FOXN3: variants seen among roughly 807,000 people sequenced by gnomAD.
FOXN3 encodes forkhead box protein N3.
FOXN3 carries 7 observed loss-of-function variants against 38.4 expected under a neutral mutation model. That is an observed-to-expected ratio of 0.18 (90% CI 0.10 to 0.34). FOXN3 has a LOEUF of 0.34. FOXN3 is among the 10% of genes least tolerant of loss of function. The probability of loss-of-function intolerance (pLI) is 1.00; values close to 1 mark genes in which losing one functional copy is unlikely to be tolerated. For synonymous variants in FOXN3, 230 were observed against 242.2 expected, an observed-to-expected ratio of 0.95 and a Z score of 0.47; for missense variants, 456 against 613.4, an observed-to-expected ratio of 0.74 and a Z score of 2.71.
At chr14:89,611,291 CA>C (rs1896381899) in intron 1 of FOXN3, among the ~76,000 whole-genome samples, 1 of 152,172 alleles carries the variant, frequency 6.6e-6, no homozygotes, top group East Asian at 1.9e-4. Context: ...AAGGAGATGT[CA>C]GTGTATCTTA....
chr14:89,344,161 T>C (rs1392486930), intron 3 of FOXN3, among the ~76,000 whole-genome samples: 2 of 152,250 alleles, frequency 1.3e-5, no homozygotes, highest in East Asian at 3.9e-4. Context: ...TGGATTTTTC[T>C]AACTTTGTAC....
chr14:89,396,548 C>T (rs1369595834), intron 2 of FOXN3, among the ~76,000 whole-genome samples: 1 of 150,552 alleles, frequency 6.6e-6, no homozygotes, highest in Non-Finnish European at 1.5e-5. Context: ...CAAGAAGCCA[C>T]TGCTGGCTGG....
At chr14:89,566,649 T>G (rs1035297104) in intron 1 of FOXN3, among the ~76,000 whole-genome samples, 4 of 152,206 alleles carry the variant, frequency 2.6e-5, no homozygotes, top group East Asian at 3.8e-4. Flanking sequence ...TTGTGTTGGT[T>G]TTCGGGAAAT....
intron 2 of FOXN3, among the ~76,000 whole-genome samples, chr14:89,375,993 G>A (rs1199533413): frequency 2.0e-5 from 3 of 152,080 alleles, no homozygotes; most frequent in Admixed American, 6.5e-5. Flanking sequence ...ATGTTGGCCA[G>A]GCTGGTCTCA....
At chr14:89,417,550 C>T (rs1327082048), upstream of FOXN3, 2 of 293,676 alleles carry the variant, frequency 6.8e-6, no homozygotes, top group African/African-American at 4.6e-5. Context: ...GGCGCGTGCC[C>T]TGTCCCCTCC....
intron 4 of FOXN3, among the ~76,000 whole-genome samples, chr14:89,189,677 A>G (rs1482194409): frequency 1.3e-5 from 2 of 152,186 alleles, no homozygotes; most frequent in Non-Finnish European, 2.9e-5. Flanking sequence ...GATCTTTCTA[A>G]AACCATGGTA....
chr14:89,475,613 C>G (rs1013864996), intron 1 of FOXN3, among the ~76,000 whole-genome samples: 1 of 152,144 alleles, frequency 6.6e-6, no homozygotes, highest in Non-Finnish European at 1.5e-5. Context: ...TATGATCGCA[C>G]CACAGCACTC....
At chr14:89,343,149 T>C (rs1457586610) in intron 3 of FOXN3, among the ~76,000 whole-genome samples, 2 of 152,214 alleles carry the variant, frequency 1.3e-5, no homozygotes, top group Non-Finnish European at 2.9e-5. Context: ...ATTAAAAAAT[T>C]ATTGGATCCT....
chr14:89,423,656 C>T (rs764550251), intron 1 of FOXN3, among the ~76,000 whole-genome samples: 11 of 152,114 alleles, frequency 7.2e-5, no homozygotes, highest in African/African-American at 2.2e-4. Flanking sequence ...CATGAAAAGA[C>T]GCTCAAAACT....
Position 89,218,240 on chromosome 14 carries a change from CCTTTT to C in FOXN3, c.746-37439_746-37435del, listed in dbSNP as rs537633299. Among the ~76,000 whole-genome samples, 14 of 152,298 alleles carry C rather than the reference CCTTTT, an allele frequency of 9.2e-5. No homozygotes were observed. The South Asian group carries it at 2.7e-3, about 29-fold the overall frequency. ...GAAGACTTGACTGGTCCTAGACTTGCCTTTTCAACTAATTCAGTGACTATGATCGG... is the reference window on the plus strand; with the variant it reads ...GAAGACTTGACTGGTCCTAGACTTGCCAACTAATTCAGTGACTATGATCGG... On this transcript the variant is annotated intron_variant, in intron 4 of 5. Transcript: ENST00000557258.
At chr14:89,561,457 C>G (rs1895246660) in intron 1 of FOXN3, among the ~76,000 whole-genome samples, 1 of 152,240 alleles carries the variant, frequency 6.6e-6, no homozygotes, top group Non-Finnish European at 1.5e-5. Flanking sequence ...GGTGATCCAC[C>G]TGCCTTGGCC....
At chr14:89,212,961 A>C (rs1292911238) in intron 4 of FOXN3, among the ~76,000 whole-genome samples, 2 of 152,200 alleles carry the variant, frequency 1.3e-5, no homozygotes, top group African/African-American at 4.8e-5. Flanking sequence ...TCAAAAAGCC[A>C]CTCAAAGGCA....
At chr14:89,540,096 G>A (rs1894765377) in intron 1 of FOXN3, among the ~76,000 whole-genome samples, 1 of 152,220 alleles carries the variant, frequency 6.6e-6, no homozygotes, top group Non-Finnish European at 1.5e-5. Context: ...AATACTTTTA[G>A]TTGTTTTCTC....
At chr14:89,194,715 T>C (rs1888052179) in intron 4 of FOXN3, among the ~76,000 whole-genome samples, 2 of 110,834 alleles carry the variant, frequency 1.8e-5, no homozygotes, top group South Asian at 5.1e-4. Context: ...ATGTGCTCAC[T>C]GTAAAAAAAA....
intron 3 of FOXN3, among the ~76,000 whole-genome samples, chr14:89,336,216 C>CTCCATCCATCCATCCATCCA (rs71130057): frequency 0.31 from 44,270 of 142,792 alleles, 8,260 homozygotes; most frequent in Non-Finnish European, 0.4. Context: ...CTAACGGTGC[C>CTCCATCCATCCATCCATCCA]TCCATCCATC....
intron 2 of FOXN3, among the ~76,000 whole-genome samples, chr14:89,375,089 G>C (rs568066203): frequency 6.6e-6 from 1 of 152,252 alleles, no homozygotes; most frequent in Admixed American, 6.5e-5. Context: ...GCTGCCTGAG[G>C]GTTTTGGTGG....
intron 3 of FOXN3, among the ~76,000 whole-genome samples, chr14:89,324,463 TGTG>T (rs776039887): frequency 6.7e-4 from 102 of 151,670 alleles, no homozygotes; most frequent in Non-Finnish European, 1.2e-3. Flanking sequence ...TGTGTGTGTG[TGTG>T]TGTGTGTGTG....
intron 2 of FOXN3, among the ~76,000 whole-genome samples, chr14:89,369,585 A>T (rs1890255758): frequency 6.6e-6 from 1 of 152,050 alleles, no homozygotes; most frequent in Non-Finnish European, 1.5e-5. Context: ...ATGGACTCAC[A>T]ATTCCACATG....
At chr14:89,184,891 G>C (rs987126196) in intron 4 of FOXN3, among the ~76,000 whole-genome samples, 4 of 152,166 alleles carry the variant, frequency 2.6e-5, no homozygotes, top group Non-Finnish European at 5.9e-5. Flanking sequence ...AAAGGGGTCC[G>C]GACATGGGGA....
Sources: allele counts gnomAD v4.1 joint callset (sites outside exome capture counted in the v4.1 genomes callset), GRCh38; gene constraint gnomAD v4.1.1; transcripts MANE v1.5; gene names NCBI Gene and HGNC (gene_info 2026-07-23, HGNC 2026-07-21).